Variants in CAB39L observed in about 807,000 individuals in gnomAD.
The protein encoded by CAB39L is calcium-binding protein 39-like.
CAB39L carries 23 observed loss-of-function variants against 39.1 expected under a neutral mutation model. The ratio of observed to expected loss-of-function variants is 0.59; its 90% CI spans 0.42 to 0.83. CAB39L has a LOEUF of 0.83. Ranked by LOEUF, CAB39L falls within the 40% of genes least tolerant of loss-of-function variation. The pLI is 0.00. For synonymous variants in CAB39L, 126 were observed against 137.2 expected (o/e 0.92, Z 0.57); for missense variants, 366 against 391.9 (o/e 0.93, Z 0.56).
chr13:49,316,715 T>G (rs530158967), intron 10 of CAB39L, among the ~76,000 whole-genome samples: 133 of 152,230 alleles, frequency 8.7e-4, no homozygotes, highest in Non-Finnish European at 8.7e-4. Flanking sequence ...TGGGTTAAAC[T>G]GTGTTCCCCA....
At chr13:49,373,152 C>T (rs1955965375) in intron 5 of CAB39L, among the ~76,000 whole-genome samples, 1 of 152,086 alleles carries the variant, frequency 6.6e-6, no homozygotes, top group African/African-American at 2.4e-5. Context: ...GTTCTGGATA[C>T]CTCTCTCTCC....
chr13:49,313,110 G>A (rs1416878147), intron 10 of CAB39L, among the ~76,000 whole-genome samples: 3 of 152,096 alleles, frequency 2.0e-5, no homozygotes, highest in South Asian at 2.1e-4. Context: ...AAGGACAAAC[G>A]TGAATAGTCC....
intron 3 of CAB39L, among the ~76,000 whole-genome samples, chr13:49,386,170 T>C (rs538654877): frequency 6.6e-6 from 1 of 152,294 alleles, no homozygotes; most frequent in African/African-American, 2.4e-5. Context: ...AATTATAACA[T>C]GGTATCATAG....
intron 6 of CAB39L, among the ~76,000 whole-genome samples, chr13:49,359,276 C>T (rs1955567140): frequency 6.6e-6 from 1 of 152,122 alleles, no homozygotes; most frequent in South Asian, 2.1e-4. Context: ...ATACATTCAC[C>T]TTGGCAGATG....
chr13:49,362,741 A>G (rs7326978), intron 5 of CAB39L, among the ~76,000 whole-genome samples: 52,610 of 151,782 alleles, frequency 0.35, 9,881 homozygotes, highest in East Asian at 0.61. Flanking sequence ...ATATTCAAGT[A>G]TAAGAAGGTT....
intron 5 of CAB39L, among the ~76,000 whole-genome samples, chr13:49,373,099 C>G (rs1955963906): frequency 6.6e-6 from 1 of 152,230 alleles, no homozygotes; most frequent in Admixed American, 6.5e-5. Flanking sequence ...GTTCCTCAGT[C>G]TTCCTGATCA....
intron 3 of CAB39L, among the ~76,000 whole-genome samples, chr13:49,419,220 G>A (rs778264378): frequency 3.9e-5 from 6 of 152,038 alleles, no homozygotes; most frequent in African/African-American, 1.4e-4. Flanking sequence ...CACCCGCCTC[G>A]GCCTCCCAAA....
intron 6 of CAB39L, among the ~76,000 whole-genome samples, chr13:49,352,069 T>C (rs1955372600): frequency 6.6e-6 from 1 of 152,142 alleles, no homozygotes; most frequent in Non-Finnish European, 1.5e-5. Context: ...TATATAAATA[T>C]ATGATTTGCA....
intron 10 of CAB39L, among the ~76,000 whole-genome samples, chr13:49,322,868 A>C (rs1248286852): frequency 6.6e-6 from 1 of 152,174 alleles, no homozygotes; most frequent in East Asian, 1.9e-4. Context: ...GTTCTCAGAA[A>C]ATTGGTTTTA....
intron 3 of CAB39L, among the ~76,000 whole-genome samples, chr13:49,398,061 A>G (rs181678093): frequency 1.8e-4 from 27 of 152,242 alleles, no homozygotes; most frequent in African/African-American, 4.6e-4. Flanking sequence ...CTATAAAAAC[A>G]TTAACATGAG....
chr13:49,397,279 T>C (rs1231045586), intron 3 of CAB39L, among the ~76,000 whole-genome samples: 15 of 152,130 alleles, frequency 9.9e-5, no homozygotes, highest in Non-Finnish European at 2.2e-4. Context: ...CCTTTTTCAG[T>C]TAAAAATGAC....
chr13:49,346,102 T>TATATATATATATATATATGCTAG (rs2138446468), intron 7 of CAB39L, among the ~76,000 whole-genome samples: 1 of 33,504 alleles, frequency 3.0e-5, no homozygotes, highest in African/African-American at 9.8e-5. Flanking sequence ...ATATGCTAGA[T>TATATATATATATATATATGCTAG]ATATATATAT....
intron 3 of CAB39L, among the ~76,000 whole-genome samples, chr13:49,420,692 T>C (rs529534111): frequency 6.6e-6 from 1 of 152,334 alleles, no homozygotes; most frequent in South Asian, 2.1e-4. Flanking sequence ...AAAATGTGTT[T>C]GCTTTATTGA....
intron 10 of CAB39L, among the ~76,000 whole-genome samples, chr13:49,320,676 T>G (rs1260986245): frequency 6.6e-6 from 1 of 152,202 alleles, no homozygotes; most frequent in Admixed American, 6.5e-5. Context: ...GCTCTGTATA[T>G]GCTCCTGTTA....
At chr13:49,338,557 C>T (rs898890213) in intron 9 of CAB39L, among the ~76,000 whole-genome samples, 7 of 150,916 alleles carry the variant, frequency 4.6e-5, no homozygotes, top group African/African-American at 1.5e-4. Context: ...TGCTAGATGA[C>T]GAGTTAGTGG....
chr13:49,342,938 G>C (rs1164077953), intron 8 of CAB39L, among the ~76,000 whole-genome samples: 2 of 152,008 alleles, frequency 1.3e-5, no homozygotes, highest in Non-Finnish European at 2.9e-5. Context: ...CGTATGTTGG[G>C]TTAAATAGAT....
intron 3 of CAB39L, among the ~76,000 whole-genome samples, chr13:49,423,171 G>A (rs1472218203): frequency 6.6e-6 from 1 of 152,134 alleles, no homozygotes; most frequent in East Asian, 1.9e-4. Context: ...CACCTGGACG[G>A]CAGGTGAAAC....
intron 3 of CAB39L, among the ~76,000 whole-genome samples, chr13:49,420,167 T>C (rs1957150048): frequency 6.6e-6 from 1 of 152,234 alleles, no homozygotes; most frequent in Admixed American, 6.5e-5. Flanking sequence ...ATTTTATTAA[T>C]ATTTCTACAG....
intron 3 of CAB39L, among the ~76,000 whole-genome samples, chr13:49,389,583 G>T (rs1053128218): frequency 1.1e-4 from 17 of 152,196 alleles, no homozygotes; most frequent in African/African-American, 4.1e-4. Flanking sequence ...AGAGGTTTCA[G>T]TGAGCCAAGA....
Sources: allele counts gnomAD v4.1 joint callset (sites outside exome capture counted in the v4.1 genomes callset), GRCh38; gene constraint gnomAD v4.1.1; transcripts MANE v1.5; gene names NCBI Gene and HGNC (gene_info 2026-07-23, HGNC 2026-07-21).